NSMCE2: variants seen among roughly 807,000 people sequenced by gnomAD.
The protein encoded by NSMCE2 is NSE2 SUMO ligase component of SMC5/6 complex.
In NSMCE2, 24 loss-of-function variants were observed where a neutral mutation model predicts 23.8. The observed-to-expected ratio is 1.01, with a 90% CI of 0.73 to 1.42. NSMCE2 has a LOEUF of 1.42. NSMCE2 is among the 40% of genes most tolerant of loss of function. The pLI is 0.00. For missense variants in NSMCE2, 284 were observed against 296.5 expected (o/e 0.96, Z 0.31); for synonymous variants, 92 against 94.1 (o/e 0.98, Z 0.13).
chr8:125,361,740 G>A (rs1039282904), intron 7 of NSMCE2, among the ~76,000 whole-genome samples: 12 of 152,286 alleles, frequency 7.9e-5, no homozygotes, highest in Middle Eastern at 3.4e-3. Context: ...TGTTAAGACC[G>A]AGGCTGATAG....
chr8:125,200,064 T>G (rs1040278139), intron 5 of NSMCE2, among the ~76,000 whole-genome samples: 3 of 152,338 alleles, frequency 2.0e-5, no homozygotes, highest in Non-Finnish European at 2.9e-5. Context: ...AGCCTATGTG[T>G]GTCTCTGCAC....
At chr8:125,096,922 T>A (rs1036344776) in intron 1 of NSMCE2, among the ~76,000 whole-genome samples, 9 of 152,040 alleles carry the variant, frequency 5.9e-5, no homozygotes, top group Non-Finnish European at 1.2e-4. Flanking sequence ...CTGTGTAGAA[T>A]CCTAAAGTGT....
chr8:125,207,131 G>C (rs980367073), intron 5 of NSMCE2, among the ~76,000 whole-genome samples: 2 of 151,616 alleles, frequency 1.3e-5, no homozygotes, highest in African/African-American at 4.8e-5. Flanking sequence ...AGATTATGGG[G>C]GCAGAGGGAT....
At chr8:125,263,273 T>A (rs539120281) in intron 5 of NSMCE2, among the ~76,000 whole-genome samples, 1 of 152,260 alleles carries the variant, frequency 6.6e-6, no homozygotes, top group African/African-American at 2.4e-5. Flanking sequence ...TTCCCAGGGA[T>A]CTATGTAGGT....
chr8:125,238,907 C>T (rs1033492123), intron 5 of NSMCE2, among the ~76,000 whole-genome samples: 1 of 152,114 alleles, frequency 6.6e-6, no homozygotes, highest in African/African-American at 2.4e-5. Flanking sequence ...CATGAGGCTC[C>T]TATTCCTGTA....
At chr8:125,260,584 G>A (rs547974450) in intron 5 of NSMCE2, among the ~76,000 whole-genome samples, 12 of 149,232 alleles carry the variant, frequency 8.0e-5, no homozygotes, top group East Asian at 1.9e-4. Context: ...CTAGGTGGCC[G>A]TCTTCTTTGT....
chr8:125,192,638 A>T lies in NSMCE2; in HGVS notation c.418+10382A>T, dbSNP rs561108189. ...TCATACAATTTTACACATTCAAATA[A>T]TACTAATGACTTGCTACATTTCATT... is the stretch of plus-strand genomic sequence containing the variant. On this transcript the variant is annotated intron_variant, in intron 5 of 7. Transcript: ENST00000287437. Among the ~76,000 whole-genome samples the T allele has an allele frequency of 2.6e-5, 4 of 152,342 alleles. No homozygotes were observed. In the South Asian group the frequency reaches 8.3e-4, roughly 32 times the overall value.
At chr8:125,172,627 C>T (rs1403850636) in intron 4 of NSMCE2, among the ~76,000 whole-genome samples, 1 of 152,124 alleles carries the variant, frequency 6.6e-6, no homozygotes, top group East Asian at 1.9e-4. Flanking sequence ...TGCCTTATGT[C>T]GCTCTACAAC....
intron 5 of NSMCE2, among the ~76,000 whole-genome samples, chr8:125,262,670 G>T (rs1285386873): frequency 1.3e-5 from 2 of 152,164 alleles, no homozygotes; most frequent in East Asian, 1.9e-4. Flanking sequence ...TGGTGTCATG[G>T]TGTAAGCATT....
chr8:125,204,411 A>G (rs1254850329), intron 5 of NSMCE2, among the ~76,000 whole-genome samples: 1 of 152,146 alleles, frequency 6.6e-6, no homozygotes, highest in Admixed American at 6.5e-5. Flanking sequence ...CTATACTGTG[A>G]CTTCACTTCA....
chr8:125,213,072 A>C (rs1271519561), intron 5 of NSMCE2, among the ~76,000 whole-genome samples: 1 of 152,230 alleles, frequency 6.6e-6, no homozygotes, highest in Non-Finnish European at 1.5e-5. Context: ...ATTCTCTTTT[A>C]TAAAATGAGA....
intron 5 of NSMCE2, among the ~76,000 whole-genome samples, chr8:125,331,589 T>C (rs1401064234): frequency 2.5e-5 from 3 of 120,750 alleles, no homozygotes; most frequent in African/African-American, 5.7e-5. Flanking sequence ...AAAAACGATC[T>C]TTTTTTTTTT....
Position 125,158,933 on chromosome 8 carries a change from G to A in NSMCE2, c.264+7656G>A, listed in dbSNP as rs577324351. On this transcript the variant is annotated intron_variant, in intron 4 of 7. Transcript: ENST00000287437. ...GTTGAAAGCACAGTAGTCACTGGTT[G>A]TCTACAGTTTCACTTTCCACTGTTT... Among the ~76,000 whole-genome samples the A allele has an allele frequency of 3.1e-3, 469 of 152,312 alleles. 3 individuals are homozygous for A. Among genetic ancestry groups the A allele is most frequent in the African/African-American group, 0.011 (451 of 41,578 alleles).
chr8:125,337,381 A>G (rs1049260151), intron 5 of NSMCE2, among the ~76,000 whole-genome samples: 7 of 152,148 alleles, frequency 4.6e-5, no homozygotes, highest in East Asian at 1.9e-4. Flanking sequence ...CCTGAATACA[A>G]TTTTCAGAAT....
chr8:125,174,687 C>G (rs115211560), intron 4 of NSMCE2, among the ~76,000 whole-genome samples: 3 of 152,220 alleles, frequency 2.0e-5, no homozygotes, highest in African/African-American at 4.8e-5. Flanking sequence ...ACAATTTTTC[C>G]GAAAGGCTCG....
chr8:125,107,563 TC>T (rs1818526460), intron 3 of NSMCE2, among the ~76,000 whole-genome samples: 1 of 152,182 alleles, frequency 6.6e-6, no homozygotes, highest in Non-Finnish European at 1.5e-5. Flanking sequence ...AATACAATGA[TC>T]TATTAGAGTG....
intron 4 of NSMCE2, among the ~76,000 whole-genome samples, chr8:125,160,467 G>T (rs906407657): frequency 9.2e-5 from 14 of 152,168 alleles, no homozygotes; most frequent in African/African-American, 3.4e-4. Flanking sequence ...GTTGGGGGTG[G>T]CTTGGGGTAT....
chr8:125,302,872 A>C (rs896400411), intron 5 of NSMCE2, among the ~76,000 whole-genome samples: 5 of 152,172 alleles, frequency 3.3e-5, no homozygotes, highest in African/African-American at 1.2e-4. Context: ...GGAACTGGAT[A>C]GGAAGTTGGT....
chr8:125,220,921 T>G (rs1824827258), intron 5 of NSMCE2, among the ~76,000 whole-genome samples: 1 of 152,206 alleles, frequency 6.6e-6, no homozygotes, highest in Non-Finnish European at 1.5e-5. Context: ...TAAAGAGATT[T>G]CTTATAGCAG....
Sources: gnomAD v4.1 joint callset for allele counts (sites outside exome capture counted in the v4.1 genomes callset) on GRCh38, gnomAD v4.1.1 for gene constraint, MANE v1.5 for transcripts, NCBI Gene and HGNC (gene_info 2026-07-23, HGNC 2026-07-21) for gene names.